The following EPB41L3 variants were observed in gnomAD, a reference collection of about 807,000 sequenced individuals.
EPB41L3 encodes the protein band 4.1-like protein 3.
EPB41L3 carries 57 observed loss-of-function variants against 127.1 expected under a neutral mutation model. The observed-to-expected ratio is 0.45, with a 90% CI of 0.36 to 0.56. The LOEUF is 0.56. Ranked by LOEUF, EPB41L3 falls within the 20% of genes least tolerant of loss-of-function variation. EPB41L3 has a pLI of 0.00. For missense variants in EPB41L3, 1,273 were observed against 1,372.2 expected (o/e 0.93, Z 1.14); for synonymous variants, 572 against 549.5 (o/e 1.04, Z -0.57).
chr18:5,593,384 A>T (rs1719940), intron 3 of EPB41L3, among the ~76,000 whole-genome samples: 62,816 of 151,910 alleles, frequency 0.41, 13,506 homozygotes, highest in Non-Finnish European at 0.48. Context: ...GTAGGTTCCA[A>T]GATGCCCCCT....
intron 1 of EPB41L3, among the ~76,000 whole-genome samples, chr18:5,507,172 T>C (rs1369467854): frequency 3.9e-5 from 6 of 152,124 alleles, no homozygotes; most frequent in Admixed American, 6.5e-5. Context: ...GGGTCTGCTA[T>C]AGGCAGACTT....
At chr18:5,555,005 C>T (rs2094014374) in intron 3 of EPB41L3, among the ~76,000 whole-genome samples, 1 of 152,214 alleles carries the variant, frequency 6.6e-6, no homozygotes, top group African/African-American at 2.4e-5. Flanking sequence ...AAATCACTGT[C>T]ATCCCACTTG....
chr18:5,606,811 T>A (rs1018068673), intron 3 of EPB41L3, among the ~76,000 whole-genome samples: 1 of 151,780 alleles, frequency 6.6e-6, no homozygotes, highest in Non-Finnish European at 1.5e-5. Flanking sequence ...CCAGAAACCA[T>A]TAGGAAATGG....
At chr18:5,473,652 G>C (rs1411771410) in intron 3 of EPB41L3, among the ~76,000 whole-genome samples, 3 of 151,978 alleles carry the variant, frequency 2.0e-5, no homozygotes, top group African/African-American at 7.3e-5. Flanking sequence ...AGATGAGTGA[G>C]AGGACTGTTA....
intron 1 of EPB41L3, among the ~76,000 whole-genome samples, chr18:5,526,442 G>A (rs146703961): frequency 6.6e-6 from 1 of 152,074 alleles, no homozygotes; most frequent in South Asian, 2.1e-4. Context: ...GCACTGATCC[G>A]AGTGCCTCCT....
At chr18:5,612,752 G>T (rs2094742986) in intron 2 of EPB41L3, among the ~76,000 whole-genome samples, 1 of 152,120 alleles carries the variant, frequency 6.6e-6, no homozygotes. Context: ...TTTTTGTTTT[G>T]TTTTTTGAGA....
Position 5,397,463 on chromosome 18 carries a change from C to A in EPB41L3, c.2473-37G>T. The A allele has an allele frequency of 6.4e-7, 1 of 1,558,206 alleles. No individual in the cohort carries two copies. The highest frequency in any genetic ancestry group is 8.7e-7 in the Non-Finnish European group (1 of 1,152,854). Reference sequence around the variant, plus strand: ...GAGATTGTGGCATCAGTGTGACCATCCATAAACCAAAGGTCAGAAAATAAC... The same window carrying A: ...GAGATTGTGGCATCAGTGTGACCATACATAAACCAAAGGTCAGAAAATAAC... On this transcript the variant is annotated intron_variant, in intron 17 of 22. Transcript: ENST00000341928. The surrounding 1 kb of genome is among the most constrained non-coding windows in gnomAD (Gnocchi z 4.1).
At chr18:5,524,189 T>G (rs1041816881) in intron 1 of EPB41L3, among the ~76,000 whole-genome samples, 54 of 152,078 alleles carry the variant, frequency 3.6e-4, no homozygotes, top group African/African-American at 1.3e-3. Flanking sequence ...TTGTTGTTGT[T>G]GTTTTTTGTT....
intron 1 of EPB41L3, among the ~76,000 whole-genome samples, chr18:5,499,856 C>A (rs2091581410): frequency 8.2e-6 from 1 of 121,362 alleles, no homozygotes; most frequent in African/African-American, 3.4e-5. Flanking sequence ...TATGGCATTA[C>A]AACACTAGTG....
rs148669809 is a variant in EPB41L3 at position 5,457,254 on chromosome 18, G to A, written c.382-12010C>T. Among the ~76,000 whole-genome samples, 7 of 152,274 alleles carry A rather than the reference G, an allele frequency of 4.6e-5. No homozygotes were observed. The East Asian group carries it at 1.4e-3, about 29-fold the overall frequency. On this transcript the variant is annotated intron_variant, in intron 3 of 22. Coordinates refer to ENST00000341928, the MANE Select transcript of EPB41L3 (RefSeq NM_012307.5). ...AGCAAAAGTAAAAGATTCCATACAT[G>A]TTTAGACTGCACTGTTTTTTCTCTG...
intron 3 of EPB41L3, among the ~76,000 whole-genome samples, chr18:5,566,788 T>TCC (rs1555804088): frequency 8.9e-6 from 1 of 112,462 alleles, no homozygotes. Context: ...TATTCTATTC[T>TCC]ATTCCATTCC....
intron 3 of EPB41L3, among the ~76,000 whole-genome samples, chr18:5,601,949 T>G (rs1345858736): frequency 6.6e-6 from 1 of 152,136 alleles, no homozygotes; most frequent in Non-Finnish European, 1.5e-5. Context: ...CGGAGGTGAT[T>G]TTTTGAAAAG....
upstream of EPB41L3, chr18:5,544,159 G>A (rs1056217270): frequency 3.0e-6 from 3 of 985,420 alleles, no homozygotes; most frequent in African/African-American, 1.7e-5. Flanking sequence ...AGCCGCGGGG[G>A]AGGGGGCCAC....
At position 5,461,014 on chromosome 18, in the gene EPB41L3, G is replaced by T. The variant is rs1301614023; in HGVS notation, c.382-15770C>A. Among the ~76,000 whole-genome samples, 3 of 152,234 alleles carry T rather than the reference G, an allele frequency of 2.0e-5. No homozygotes were observed. The East Asian group carries it at 5.8e-4, about 29-fold the overall frequency. ...TTGAAATATTACATTTCCAGTTCTG[G>T]TGGTGGTGTTTTATTTTTTTCCCCC... On this transcript the variant is annotated intron_variant, in intron 3 of 22. Coordinates refer to ENST00000341928, the MANE Select transcript of EPB41L3 (RefSeq NM_012307.5).
intron 3 of EPB41L3, chr18:5,567,273 A>C (rs2149239658): frequency 6.6e-6 from 1 of 152,352 alleles, no homozygotes; most frequent in Middle Eastern, 3.4e-3. Flanking sequence ...CCCAGGACAC[A>C]ACACCTCTAG....
intron 1 of EPB41L3, among the ~76,000 whole-genome samples, chr18:5,619,769 C>A (rs942635196): frequency 2.0e-5 from 3 of 152,082 alleles, no homozygotes; most frequent in African/African-American, 7.2e-5. Flanking sequence ...CTAGATAAAT[C>A]CTCTTGTTAT....
chr18:5,484,085 T>TCAAAAAAAAAAAAAAA (rs1568375066), intron 2 of EPB41L3, among the ~76,000 whole-genome samples: 13 of 3,826 alleles, frequency 3.4e-3, no homozygotes, highest in South Asian at 9.6e-3. Flanking sequence ...CCAAACAAAC[T>TCAAAAAAAAAAAAAAA]CAAAAAAAAA....
chr18:5,448,451 G>A (rs2081840924), intron 3 of EPB41L3, among the ~76,000 whole-genome samples: 1 of 152,012 alleles, frequency 6.6e-6, no homozygotes, highest in South Asian at 2.1e-4. Context: ...AGGTAATCAT[G>A]TTTACCATAT....
At chr18:5,466,577 A>G (rs189941138) in intron 3 of EPB41L3, among the ~76,000 whole-genome samples, 1 of 152,336 alleles carries the variant, frequency 6.6e-6, no homozygotes, top group African/African-American at 2.4e-5. Context: ...CACATTTTAC[A>G]GGGCTGAACT....
Sources: allele counts gnomAD v4.1 joint callset (sites outside exome capture counted in the v4.1 genomes callset), GRCh38; gene constraint gnomAD v4.1.1; non-coding constraint Gnocchi (gnomAD v3.1); transcripts MANE v1.5; gene names NCBI Gene and HGNC (gene_info 2026-07-23, HGNC 2026-07-21).